ANXA8: variants seen among roughly 807,000 people sequenced by gnomAD.
The protein encoded by ANXA8 is VAC-beta.
A neutral mutation model predicts 26.8 loss-of-function variants in ANXA8; 9 were observed. The ratio of observed to expected loss-of-function variants is 0.34; its 90% confidence interval spans 0.20 to 0.59. ANXA8 has a LOEUF of 0.59. Ranked by LOEUF, ANXA8 falls within the 20% of genes least tolerant of loss-of-function variation. ANXA8 has a pLI of 0.84. For synonymous variants in ANXA8, 39 were observed against 94.8 expected (o/e 0.41, Z 3.42); for missense variants, 83 against 238.5 (o/e 0.35, Z 4.29).
chr10:47,575,198 CAAAAAAA>C, the ANXA8 span, among the ~76,000 whole-genome samples: 1 of 107,288 alleles, frequency 9.3e-6, no homozygotes, highest in East Asian at 3.1e-4. Flanking sequence ...GAGTGAAACT[CAAAAAAA>C]AAAAAAAAAA....
chr10:47,506,489 C>A, the ANXA8 span, among the ~76,000 whole-genome samples: 2 of 139,548 alleles, frequency 1.4e-5, 1 homozygote, highest in African/African-American at 5.4e-5. Context: ...CACCACCACG[C>A]CCAGCCATTT....
chr10:47,705,892 A>G, the ANXA8 span, among the ~76,000 whole-genome samples: 5 of 150,056 alleles, frequency 3.3e-5, no homozygotes, highest in Non-Finnish European at 5.9e-5. Context: ...TTTTGCCTTT[A>G]AAGTAAAACG....
At chr10:47,749,033 G>GGCC in the ANXA8 span, among the ~76,000 whole-genome samples, 6 of 83,824 alleles carry the variant, frequency 7.2e-5, no homozygotes, top group African/African-American at 2.3e-4. Flanking sequence ...TGGAGTTTGA[G>GGCC]ACCAGCCTGA....
chr10:47,649,321 T>C, the ANXA8 span, among the ~76,000 whole-genome samples: 1 of 151,620 alleles, frequency 6.6e-6, no homozygotes, highest in Non-Finnish European at 1.5e-5. Flanking sequence ...AAGGACACTA[T>C]TCTGTCACCA....
the ANXA8 span, among the ~76,000 whole-genome samples, chr10:47,686,520 CT>C: frequency 1.3e-4 from 19 of 151,890 alleles, 1 homozygote; most frequent in Non-Finnish European, 1.5e-5. Context: ...CCTCCTGTCA[CT>C]TTTTATAATT....
At chr10:47,507,997 C>T in the ANXA8 span, among the ~76,000 whole-genome samples, 10 of 119,074 alleles carry the variant, frequency 8.4e-5, 1 homozygote, top group African/African-American at 2.5e-4. Flanking sequence ...CAGGTTCAAG[C>T]GATTCTCACG....
the ANXA8 span, among the ~76,000 whole-genome samples, chr10:47,573,438 ATTG>A: frequency 2.1e-5 from 3 of 143,642 alleles, no homozygotes; most frequent in Non-Finnish European, 4.6e-5. Context: ...CCTAGTTGGA[ATTG>A]TTGTTTGAGG....
At chr10:47,672,711 G>A in the ANXA8 span, among the ~76,000 whole-genome samples, 5 of 151,856 alleles carry the variant, frequency 3.3e-5, no homozygotes, top group Non-Finnish European at 5.9e-5. Context: ...TCTTTAGATA[G>A]TGTAATACGG....
At chr10:47,777,532 G>A in the ANXA8 span, among the ~76,000 whole-genome samples, 1 of 152,170 alleles carries the variant, frequency 6.6e-6, no homozygotes, top group Admixed American at 6.5e-5. Context: ...ATATGCAACA[G>A]CCAGTAAAAA....
At chr10:47,686,225 CTTTTTTTTTT>C in the ANXA8 span, among the ~76,000 whole-genome samples, 2 of 122,954 alleles carry the variant, frequency 1.6e-5, no homozygotes, top group Non-Finnish European at 3.4e-5. Context: ...GCTCCTATCA[CTTTTTTTTTT>C]TTTTTTTTTT....
the ANXA8 span, among the ~76,000 whole-genome samples, chr10:47,684,068 C>T: frequency 1.3e-5 from 2 of 151,922 alleles, no homozygotes; most frequent in African/African-American, 4.8e-5. Context: ...TTGGTTTTTC[C>T]GACTGAAGCG....
At chr10:47,686,017 G>A in the ANXA8 span, among the ~76,000 whole-genome samples, 1 of 150,118 alleles carries the variant, frequency 6.7e-6, no homozygotes, top group Admixed American at 6.6e-5. Flanking sequence ...GCCCTATTTT[G>A]GGGTGGGGAA....
At chr10:47,553,315 ACCC>A in the ANXA8 span, 33 of 151,206 alleles carry the variant, frequency 2.2e-4, no homozygotes, top group African/African-American at 7.8e-4. Context: ...TCTCCCAACG[ACCC>A]CCGGGCACAC....
chr10:47,676,020 G>T, the ANXA8 span, among the ~76,000 whole-genome samples: 1 of 151,156 alleles, frequency 6.6e-6, no homozygotes, highest in Non-Finnish European at 1.5e-5. Context: ...GGAAGGGAGG[G>T]GAGGGAAGGG....
chr10:47,703,645 G>C, the ANXA8 span, among the ~76,000 whole-genome samples: 22 of 151,492 alleles, frequency 1.5e-4, no homozygotes, highest in Non-Finnish European at 2.6e-4. Context: ...ATACTGCACC[G>C]ACACAAATGC....
chr10:47,984,832 TAGTG>T, the ANXA8 span, among the ~76,000 whole-genome samples: 2 of 138,688 alleles, frequency 1.4e-5, no homozygotes, highest in East Asian at 4.0e-4. Context: ...AGCATTCACT[TAGTG>T]AGGGACATTT....
At chr10:47,744,407 CTGGTGGGGGGGGGGT>C in the ANXA8 span, among the ~76,000 whole-genome samples, 2 of 6,372 alleles carry the variant, frequency 3.1e-4, no homozygotes, top group African/African-American at 5.2e-4. Flanking sequence ...GGGAAGGCTC[CTGGTGGGGGGGGGGT>C]TGGGGGGGAG....
At chr10:47,566,528 T>G in the ANXA8 span, among the ~76,000 whole-genome samples, 3 of 148,094 alleles carry the variant, frequency 2.0e-5, no homozygotes, top group East Asian at 4.0e-4. Context: ...CCCAGAGAGG[T>G]GCGGCCAGCC....
the ANXA8 span, among the ~76,000 whole-genome samples, chr10:47,530,606 T>C: frequency 6.7e-6 from 1 of 149,954 alleles, no homozygotes; most frequent in Non-Finnish European, 1.5e-5. Flanking sequence ...GGCAGGAGAA[T>C]CCCTTGAACC....
Sources: gnomAD v4.1 joint callset for allele counts (sites outside exome capture counted in the v4.1 genomes callset) on GRCh38, gnomAD v4.1.1 for gene constraint, MANE v1.5 for transcripts, NCBI Gene and HGNC (gene_info 2026-07-23, HGNC 2026-07-21) for gene names.